The following RBM17 variants were observed in gnomAD, a reference collection of about 807,000 sequenced individuals.
RBM17 encodes the protein RNA binding motif protein 17, also known as splicing factor 45.
Under a neutral mutation model 53.2 loss-of-function variants are expected in RBM17, and 7 were observed. The observed-to-expected ratio is 0.13, with a 90% CI of 0.07 to 0.25. The LOEUF (loss-of-function observed/expected upper bound fraction) is 0.25. Among genes scored for constraint, RBM17 ranks in the 10% least tolerant of loss-of-function variants. The probability of loss-of-function intolerance (pLI) is 1.00; values close to 1 mark genes in which losing one functional copy is unlikely to be tolerated. For missense variants in RBM17, 257 were observed against 496.7 expected (o/e 0.52, Z 4.59); for synonymous variants, 167 against 178.1 (o/e 0.94, Z 0.50).
chr10:6,110,195 G>A, intron 7 of RBM17, 68 bp downstream of exon 7: 1 of 1,411,994 alleles, frequency 7.1e-7, no homozygotes, highest in Non-Finnish European at 9.6e-7. Flanking sequence ...CCTTTCAATA[G>A]ATGCAGCTTG....
chr10:6,094,811 T>C (rs918269571), intron 1 of RBM17, among the ~76,000 whole-genome samples: 3 of 152,246 alleles, frequency 2.0e-5, no homozygotes, highest in Non-Finnish European at 4.4e-5. Flanking sequence ...TTGTTCCTTC[T>C]GGCCAGTGAT....
chr10:6,103,190 A>G (rs1376702104), intron 3 of RBM17, among the ~76,000 whole-genome samples: 1 of 152,148 alleles, frequency 6.6e-6, no homozygotes, highest in Non-Finnish European at 1.5e-5. Context: ...TTTATGGCCA[A>G]TCTGTTCTGG....
intron 2 of RBM17, among the ~76,000 whole-genome samples, 193 bp from the exon 3 acceptor site, chr10:6,101,078 T>G (rs1396364502): frequency 1.3e-5 from 2 of 152,172 alleles, no homozygotes; most frequent in Non-Finnish European, 2.9e-5. Flanking sequence ...GGAGAAAATC[T>G]CATGTTTTTG....
intron 10 of RBM17, chr10:6,114,528 C>T (rs1028048616): frequency 5.8e-6 from 1 of 172,354 alleles, no homozygotes; most frequent in Non-Finnish European, 1.2e-5. Context: ...ATGCTCTGTA[C>T]TCTCAGTGGT....
intron 2 of RBM17, among the ~76,000 whole-genome samples, chr10:6,098,026 A>G (rs1416997177): frequency 3.6e-5 from 5 of 137,416 alleles, no homozygotes; most frequent in Non-Finnish European, 4.7e-5. Context: ...TGTTGTGTAC[A>G]TGTTGGGTAT....
Position 6,101,390 on chromosome 10 carries a change from A to T in RBM17, c.240+3A>T, listed in dbSNP as rs752426944. On this transcript the variant is annotated splice_donor_region_variant and intron_variant, in intron 3 of 11. Transcript: ENST00000379888. ...CGCATGTAGCAGCTGGGCTGAAGGT[A>T]AGCCCGCGCCTGCCTGTGAGCTTGA... The T allele has an allele frequency of 1.3e-6, 2 of 1,589,414 alleles. No individual in the cohort carries two copies. The highest frequency in any genetic ancestry group is 1.7e-6 in the Non-Finnish European group (2 of 1,159,440).
Position 6,113,600 on chromosome 10 carries a change from C to G in RBM17, c.930+19C>G. On this transcript the variant is annotated intron_variant, in intron 9 of 11. Coordinates refer to ENST00000379888, the MANE Select transcript of RBM17 (RefSeq NM_032905.5). ...ACTAAGGGTAAGAAGCTGAGGAAAGCAAGCTCTCTGCCTGCCTAGATTTGT... is the reference window on the plus strand; with the variant it reads ...ACTAAGGGTAAGAAGCTGAGGAAAGGAAGCTCTCTGCCTGCCTAGATTTGT... The G allele has an allele frequency of 6.5e-7, 1 of 1,539,470 alleles. No individual in the cohort carries two copies. Among genetic ancestry groups the G allele is most frequent in the Non-Finnish European group, 9.0e-7 (1 of 1,112,432 alleles).
chr10:6,110,890 G>T (rs1015738584), intron 7 of RBM17, among the ~76,000 whole-genome samples: 2 of 152,220 alleles, frequency 1.3e-5, no homozygotes, highest in Non-Finnish European at 2.9e-5. Context: ...GCAGACATAG[G>T]ACATGGCCGT....
At chr10:6,098,563 G>GTCT (rs1554834988) in intron 2 of RBM17, among the ~76,000 whole-genome samples, 19 of 46,666 alleles carry the variant, frequency 4.1e-4, no homozygotes, top group Admixed American at 7.9e-4. Context: ...CAGGTTTTTT[G>GTCT]TTTTTTTTTT....
rs41295365 is a variant in RBM17 at position 6,113,353 on chromosome 10, C to T, written c.857-155C>T. On this transcript the variant is annotated intron_variant, in intron 8 of 11. Coordinates refer to ENST00000379888, the MANE Select transcript of RBM17 (RefSeq NM_032905.5). ...TTTATTGCAGATAAGGCTGTGTTTT[C>T]GCTCAGAGACCAATTGTGTAGATGC... 6.6e-3 allele frequency: 3,665 copies of T among 553,478 alleles called. 26 individuals are homozygous for T. Among genetic ancestry groups the T allele is most frequent in the Non-Finnish European group, 9.4e-3 (2,918 of 311,510 alleles). 34.3% of individuals were successfully genotyped at this position (553,478 alleles called of 1,614,324 possible).
intron 3 of RBM17, among the ~76,000 whole-genome samples, chr10:6,102,669 A>G (rs1284476719): frequency 2.0e-5 from 3 of 152,172 alleles, no homozygotes; most frequent in Admixed American, 6.5e-5. Context: ...TCCTTGTTAC[A>G]TAGTTTTCAC....
In RBM17 at chr10:6,115,700, CT is replaced by C; in HGVS notation, c.*150del. On this transcript the variant is annotated 3_prime_UTR_variant, in exon 12 of 12. Coordinates refer to ENST00000379888, the MANE Select transcript of RBM17 (RefSeq NM_032905.5). ...TTCTAAGATATATGTTGATTGATCC[CT>C]TTTTTATTTTGTGGTTTTTTAATAT... The C allele has an allele frequency of 1.9e-6, 1 of 515,226 alleles. No individual in the cohort carries two copies. The highest frequency in any genetic ancestry group is 3.7e-5 in the South Asian group (1 of 27,192). The allele number at this position is 515,226 out of a possible 1,614,324, so 31.9% of individuals were successfully genotyped here.
rs1488750799 is a variant in RBM17 at position 6,089,268 on chromosome 10, T to C, written c.-19+75T>C. The C allele has an allele frequency of 1.3e-5, 2 of 151,890 alleles. No individual in the cohort carries two copies. The highest frequency in any genetic ancestry group is 2.9e-5 in the Non-Finnish European group (2 of 67,916). 9.4% of individuals were successfully genotyped at this position (151,890 alleles called of 1,614,324 possible). On this transcript the variant is annotated intron_variant, in intron 1 of 11. Transcript: ENST00000379888. The surrounding 1 kb of genome is among the most constrained non-coding windows in gnomAD (Gnocchi z 5.6). ...GCGGGCGCGCCTTCCCGGGAGGCGC[T>C]AGACGCAAGCCCGCGGCTTTAGGCC...
chr10:6,101,731 C>CA (rs1240699603), intron 3 of RBM17, among the ~76,000 whole-genome samples: 2 of 152,042 alleles, frequency 1.3e-5, no homozygotes, highest in Non-Finnish European at 2.9e-5. Context: ...GTGACTCTGT[C>CA]AAAAAATACA....
At chr10:6,097,980 G>A (rs1840601525) in intron 2 of RBM17, among the ~76,000 whole-genome samples, 1 of 152,202 alleles carries the variant, frequency 6.6e-6, no homozygotes, top group South Asian at 2.1e-4. Context: ...GAAGGCGTCA[G>A]GCATAGGTAG....
rs1840469655 is a variant in RBM17, at chr10:6,090,768, A to G, written c.-19+1575A>G. 2.6e-5 allele frequency among the ~76,000 whole-genome samples: 4 copies of G among 152,166 alleles called. No individual in the cohort carries two copies. The South Asian group carries it at 8.3e-4, about 32-fold the overall frequency. On this transcript the variant is annotated intron_variant, in intron 1 of 11. Transcript: ENST00000379888. ...GTGACTGTAGTGGACTGTGTTTGCAATACTAGCCTATGGCATTTTGGTAAC... is the reference window on the plus strand; with the variant it reads ...GTGACTGTAGTGGACTGTGTTTGCAGTACTAGCCTATGGCATTTTGGTAAC...
Position 6,104,037 on chromosome 10 carries a change from T to C in RBM17, c.241-894T>C, listed in dbSNP as rs1210117314. ...GTCTTTCAAAACCAGAGAAGGCATC[T>C]TATTGTTACAGATAATAACGAAGAA... On this transcript the variant is annotated intron_variant, in intron 3 of 11. Coordinates refer to ENST00000379888, the MANE Select transcript of RBM17 (RefSeq NM_032905.5). Among the ~76,000 whole-genome samples, 5 of 152,324 alleles carry C rather than the reference T, an allele frequency of 3.3e-5. No homozygotes were observed. The East Asian group carries it at 7.7e-4, about 24-fold the overall frequency.
At chr10:6,114,505 G>A (rs1196894279) in intron 10 of RBM17, 1 of 179,612 alleles carries the variant, frequency 5.6e-6, no homozygotes, top group African/African-American at 2.4e-5. Flanking sequence ...AGAGCACTTG[G>A]ATTACAGGAA....
intron 5 of RBM17, 51 bp downstream of exon 5, chr10:6,106,289 A>T: frequency 1.7e-6 from 2 of 1,185,466 alleles, no homozygotes; most frequent in South Asian, 2.5e-5. Flanking sequence ...TGGAAGTGCA[A>T]TTCCACTATG....
Sources: allele counts gnomAD v4.1 joint callset (sites outside exome capture counted in the v4.1 genomes callset), GRCh38; gene constraint gnomAD v4.1.1; non-coding constraint Gnocchi (gnomAD v3.1); transcripts MANE v1.5; gene names NCBI Gene and HGNC (gene_info 2026-07-23, HGNC 2026-07-21).